The following MYO18A variants were observed in gnomAD, a reference collection of about 807,000 sequenced individuals.
The protein encoded by MYO18A is myosin XVIIIA.
Under a neutral mutation model 235.8 loss-of-function variants are expected in MYO18A, and 78 were observed. The ratio of observed to expected loss-of-function variants is 0.33; its 90% confidence interval spans 0.28 to 0.40. MYO18A has a LOEUF of 0.40. Among genes scored for constraint, MYO18A ranks in the 10% least tolerant of loss-of-function variants. MYO18A has a pLI of 1.00. For missense variants in MYO18A, 2,215 were observed against 2,699.3 expected (o/e 0.82, Z 3.98); for synonymous variants, 977 against 1,077.8 (o/e 0.91, Z 1.83).
intron 37 of MYO18A, among the ~76,000 whole-genome samples, chr17:29,088,562 T>TCATCAACA (rs2066316536): frequency 6.6e-6 from 1 of 151,536 alleles, no homozygotes; most frequent in South Asian, 2.1e-4. Context: ...CCAACCACAC[T>TCATCAACA]CATCAACACA....
At chr17:29,110,771 A>G in intron 17 of MYO18A, 149 bp from the exon 18 acceptor site, 1 of 784,728 alleles carries the variant, frequency 1.3e-6, no homozygotes, top group Non-Finnish European at 2.0e-6. Context: ...CCCACACCCT[A>G]CAGAGAAACA....
chr17:29,094,139 C>T lies in MYO18A; in HGVS notation c.4711-49G>A, dbSNP rs1409511348. On this transcript the variant is annotated intron_variant, in intron 30 of 41. Transcript: ENST00000527372. ...TGGGTTCCCTCCCCAGCTGTGGCCACCCCCTTCCCACCTGTGCATGGCTCT... is the reference window on the plus strand; with the variant it reads ...TGGGTTCCCTCCCCAGCTGTGGCCATCCCCTTCCCACCTGTGCATGGCTCT... 2.2e-6 allele frequency: 3 copies of T among 1,388,714 alleles called. No individual in the cohort carries two copies. The Admixed American group carries it at 5.8e-5, about 27-fold the overall frequency. 86.0% of individuals were successfully genotyped at this position (1,388,714 alleles called of 1,614,324 possible).
intron 2 of MYO18A, among the ~76,000 whole-genome samples, chr17:29,138,502 C>T (rs951379519): frequency 2.0e-5 from 3 of 151,980 alleles, no homozygotes; most frequent in Non-Finnish European, 2.9e-5. Flanking sequence ...GGATTGAGGG[C>T]GAGGAAGGGT....
At chr17:29,084,625 G>A (rs573394372) in intron 40 of MYO18A, among the ~76,000 whole-genome samples, 7 of 152,236 alleles carry the variant, frequency 4.6e-5, no homozygotes, top group African/African-American at 9.6e-5. Context: ...ACAGAACGGC[G>A]GGGGATATTA....
chr17:29,110,201 G>A (rs1267132830), intron 18 of MYO18A, 100 bp from the exon 19 acceptor site: 9 of 1,490,092 alleles, frequency 6.0e-6, no homozygotes, highest in Admixed American at 5.7e-5. Flanking sequence ...GGGTAGCAGC[G>A]GCCCCAGCAC....
chr17:29,148,056 G>A (rs901824317), intron 2 of MYO18A, among the ~76,000 whole-genome samples: 1 of 152,076 alleles, frequency 6.6e-6, no homozygotes, highest in African/African-American at 2.4e-5. Context: ...ATGGGCACAA[G>A]CGGGTCTGGG....
rs762093888 is a variant in MYO18A, at chr17:29,093,328, C to A, written c.4921G>T (p.Asp1641Tyr). ...ELEGKLATLS[D>Y]QVNRRDFESE... ...TGGGTGGAGCATCCCCTGACCTGGT[C>A]GCTGAGGGTGGCGAGCTTGCCCTCC... Residue 1641 changes from aspartate (D) to tyrosine (Y), a missense_variant, in exon 32 of 42, where the codon GAC (aspartate) becomes TAC (tyrosine). Transcript: ENST00000527372. 1.2e-6 allele frequency: 2 copies of A among 1,610,568 alleles called. No individual in the cohort carries two copies.
intron 1 of MYO18A, among the ~76,000 whole-genome samples, chr17:29,173,042 T>A (rs2068440274): frequency 6.6e-6 from 1 of 152,064 alleles, no homozygotes; most frequent in African/African-American, 2.4e-5. Flanking sequence ...TCATAAGTCT[T>A]GGTGGAAACA....
At chr17:29,114,155 T>C (rs979880288) in intron 14 of MYO18A, 58 bp from the exon 15 acceptor site, 2 of 1,350,056 alleles carry the variant, frequency 1.5e-6, no homozygotes, top group African/African-American at 2.9e-5. Context: ...GGAACAGCCT[T>C]GTGAGTAGGC....
Position 29,090,050 on chromosome 17 carries a change from C to T in MYO18A, c.5437G>A (p.Asp1813Asn), listed in dbSNP as rs545216437. 2 of 1,613,872 alleles carry T rather than the reference C, an allele frequency of 1.2e-6. No homozygotes were observed. The highest frequency in any genetic ancestry group is 1.1e-5 in the South Asian group (1 of 91,034). ...TCCTGCCTGCTCACCAGGGACTTGT[C>T]CACCATGGACTGCTCCAGGAACTCC... ...QVEFLEQSMV[D>N]KSLVSRQEAK... is the part of the protein sequence containing the mutation. The change falls in exon 37 of 42, where the codon GAC becomes AAC. Residue 1813 changes from aspartate (D) to asparagine (N), a missense_variant. By Grantham distance (23) the Asp-to-Asn change is conservative (BLOSUM62 1). Transcript: ENST00000527372.
intron 12 of MYO18A, 35 bp from the exon 13 acceptor site, chr17:29,115,476 C>G: frequency 6.3e-7 from 1 of 1,597,986 alleles, no homozygotes. Flanking sequence ...ATCTCCTTCT[C>G]CCCAGGGCTC....
chr17:29,074,047 C>A lies in MYO18A; in HGVS notation c.*723G>T. The A allele has an allele frequency of 3.1e-6, 5 of 1,614,042 alleles. No individual in the cohort carries two copies. Among genetic ancestry groups the A allele is most frequent in the Non-Finnish European group, 4.2e-6 (5 of 1,179,968 alleles). On this transcript the variant is annotated 3_prime_UTR_variant, in exon 42 of 42. Coordinates refer to ENST00000527372, the MANE Select transcript of MYO18A (RefSeq NM_078471.4). This position sits in a 1 kb window ranked among gnomAD's most constrained non-coding sequence, Gnocchi z 4.4. ...GAGGTGCGGATGGTCCACACACACA[C>A]TTGTCTGCGTAGGCTTGCTCAACCC...
chr17:29,097,098 C>G, intron 27 of MYO18A, 125 bp downstream of exon 27: 1 of 1,455,300 alleles, frequency 6.9e-7, no homozygotes, highest in Non-Finnish European at 9.2e-7. Context: ...AAGAAGCTAA[C>G]ATGCCAGCCT....
Position 29,166,314 on chromosome 17 carries a change from G to A in MYO18A, c.627C>T (p.Pro209=), listed in dbSNP as rs377251175. Residue 209 remains proline, a synonymous_variant, in exon 2 of 42, where the codon CCC becomes CCT. Transcript: ENST00000527372. ...KKFPVDLRLP[P]VVPLPPPTLR... ...GGGTAGGTGGGGGCAGGGGCACCAC[G>A]GGGGGCAGGCGCAGGTCGACTGGGA... is the stretch of plus-strand genomic sequence containing the variant. 1.4e-5 allele frequency: 22 copies of A among 1,612,240 alleles called. No individual in the cohort carries two copies. Among genetic ancestry groups the A allele is most frequent in the African/African-American group, 1.1e-4 (8 of 74,938 alleles).
At chr17:29,090,483 C>A in intron 36 of MYO18A, 49 bp downstream of exon 36, 1 of 1,515,654 alleles carries the variant, frequency 6.6e-7, no homozygotes, top group Non-Finnish European at 9.0e-7. Context: ...CCTCCCACAC[C>A]TAGTGACCCT....
In MYO18A at chr17:29,166,886, T is replaced by C. The variant is rs2068298296; in HGVS notation, c.55A>G (p.Lys19Glu). The C allele has an allele frequency of 1.9e-6, 3 of 1,551,602 alleles. No homozygotes were observed. The highest frequency in any genetic ancestry group is 1.2e-5 in the South Asian group (1 of 84,074). The part of the protein sequence containing the change: ...KDKDGGRKEK[K>E]EKKEKKERMS... ...CGCTCCTTTTTCTCCTTTTTCTCCT[T>C]CTTCTCCTTCCGCCCGCCATCTTTG... is the stretch of plus-strand genomic sequence containing the variant. Residue 19 changes from lysine to glutamate, a missense_variant, in exon 2 of 42, where the codon AAG becomes GAG. Coordinates refer to ENST00000527372, the MANE Select transcript of MYO18A (RefSeq NM_078471.4).
At chr17:29,082,243 G>A in intron 41 of MYO18A, 73 bp downstream of exon 41, 1 of 1,591,460 alleles carries the variant, frequency 6.3e-7, no homozygotes, top group Non-Finnish European at 8.6e-7. Flanking sequence ...GCCCTCATGG[G>A]ATCCAGGCGC....
rs369855808 is a variant in MYO18A, at chr17:29,134,526, T to C, written c.1000-12273A>G. Reference sequence around the variant, plus strand: ...GGGAGAGGCACTCAAACTCTATTTATTTATTTATTTATTGAGTCGGAGTTT... The same window carrying C: ...GGGAGAGGCACTCAAACTCTATTTACTTATTTATTTATTGAGTCGGAGTTT... On this transcript the variant is annotated intron_variant, in intron 2 of 41. Coordinates refer to ENST00000527372, the MANE Select transcript of MYO18A (RefSeq NM_078471.4). 3.9e-4 allele frequency among the ~76,000 whole-genome samples: 59 copies of C among 152,196 alleles called. No homozygotes were observed. In the South Asian group the frequency reaches 0.012, roughly 32 times the overall value.
At chr17:29,108,471 G>A (rs1266393974) in intron 19 of MYO18A, among the ~76,000 whole-genome samples, 1 of 152,218 alleles carries the variant, frequency 6.6e-6, no homozygotes, top group Non-Finnish European at 1.5e-5. Flanking sequence ...TCTTAAGCCA[G>A]ATCCAACTCA....
Sources: allele counts gnomAD v4.1 joint callset (sites outside exome capture counted in the v4.1 genomes callset), GRCh38; gene constraint gnomAD v4.1.1; non-coding constraint Gnocchi (gnomAD v3.1); transcripts MANE v1.5; gene names NCBI Gene and HGNC (gene_info 2026-07-23, HGNC 2026-07-21).